The following PPP4R2 variants were observed in gnomAD, a reference collection of about 807,000 sequenced individuals.
PPP4R2 encodes the protein protein phosphatase 4 regulatory subunit 2, also known as serine/threonine-protein phosphatase 4 regulatory subunit 2.
PPP4R2 carries 13 observed loss-of-function variants against 47.2 expected under a neutral mutation model. That is an observed-to-expected ratio of 0.28 (90% CI 0.18 to 0.44). PPP4R2 has a LOEUF of 0.44. Ranked by LOEUF, PPP4R2 falls within the 20% of genes least tolerant of loss-of-function variation. The probability of loss-of-function intolerance (pLI) is 1.00; values close to 1 mark genes in which losing one functional copy is unlikely to be tolerated. For synonymous variants in PPP4R2, 151 were observed against 163.3 expected (o/e 0.92, Z 0.57); for missense variants, 421 against 491.2 (o/e 0.86, Z 1.35).
intron 2 of PPP4R2, among the ~76,000 whole-genome samples, chr3:73,003,692 G>A (rs538221967): frequency 8.0e-6 from 1 of 125,318 alleles, no homozygotes; most frequent in South Asian, 2.4e-4. Context: ...TATTTCTGGA[G>A]TTTTTTTTTG....
intron 2 of PPP4R2, among the ~76,000 whole-genome samples, chr3:73,030,612 ATTT>A (rs57682305): frequency 7.0e-6 from 1 of 143,018 alleles, no homozygotes. Context: ...GATTACGTTG[ATTT>A]TTTTTTTTTT....
At position 72,996,821 on chromosome 3, in the gene PPP4R2, T is replaced by G; in HGVS notation, c.-217T>G. The G allele has an allele frequency of 1.1e-5, 4 of 376,876 alleles. No homozygotes were observed. The highest frequency in any genetic ancestry group is 2.1e-5 in the African/African-American group (1 of 47,852). 23.3% of individuals were successfully genotyped at this position (376,876 alleles called of 1,614,324 possible). A position where few individuals can be genotyped will look rare whatever the true frequency, so the allele number is the denominator to read the frequency against. ...GCGCGGTGACGTACCGGGCGCCATG[T>G]TGGAGGGTTGGTGGTAGCGGCTTGG... On this transcript the variant is annotated 5_prime_UTR_variant, in exon 1 of 9. Transcript: ENST00000356692.
intron 3 of PPP4R2, among the ~76,000 whole-genome samples, chr3:73,048,286 G>T (rs111444484): frequency 1.3e-5 from 2 of 152,024 alleles, no homozygotes; most frequent in Non-Finnish European, 2.9e-5. Flanking sequence ...ACAGAGTCTC[G>T]CTGTCACCCA....
At chr3:73,063,590 C>T in intron 5 of PPP4R2, 83 bp from the exon 6 acceptor site, 1 of 770,008 alleles carries the variant, frequency 1.3e-6, no homozygotes, top group Middle Eastern at 3.7e-4. Flanking sequence ...CACCACTGCA[C>T]TCCATTCCAC....
intron 2 of PPP4R2, among the ~76,000 whole-genome samples, chr3:73,046,041 A>G (rs1363437339): frequency 2.0e-5 from 3 of 152,200 alleles, no homozygotes; most frequent in African/African-American, 7.2e-5. Flanking sequence ...AGTAATTTTT[A>G]TATCTTTTAC....
intron 3 of PPP4R2, among the ~76,000 whole-genome samples, chr3:73,055,864 C>G (rs1702722543): frequency 6.6e-6 from 1 of 152,104 alleles, no homozygotes; most frequent in Admixed American, 6.5e-5. Flanking sequence ...CTTCGGCTTC[C>G]CAAAGTCCTG....
chr3:73,006,347 C>T (rs184391728), intron 2 of PPP4R2, among the ~76,000 whole-genome samples: 40 of 151,866 alleles, frequency 2.6e-4, no homozygotes, highest in African/African-American at 8.0e-4. Context: ...CACAGGCGCG[C>T]GCCACCATGC....
intron 2 of PPP4R2, among the ~76,000 whole-genome samples, chr3:73,040,232 A>G (rs942054060): frequency 6.6e-6 from 1 of 152,208 alleles, no homozygotes; most frequent in African/African-American, 2.4e-5. Context: ...GCATATTGAC[A>G]GAATTTTTGA....
Position 73,011,921 on chromosome 3 carries a change from T to C in PPP4R2, c.116+13763T>C, listed in dbSNP as rs369806485. Among the ~76,000 whole-genome samples, 5 of 152,326 alleles carry C rather than the reference T, an allele frequency of 3.3e-5. No homozygotes were observed. In the South Asian group the frequency reaches 8.3e-4, roughly 25 times the overall value. The stretch of plus-strand genomic sequence containing the variant: ...TAGGTGATGAAACTGGAGAAAAATA[T>C]ATGCTATAGAATTTGAAATTTAAGG... On this transcript the variant is annotated intron_variant, in intron 2 of 8. Transcript: ENST00000356692.
chr3:73,051,509 T>C (rs1702612377), intron 3 of PPP4R2, among the ~76,000 whole-genome samples: 1 of 152,242 alleles, frequency 6.6e-6, no homozygotes, highest in African/African-American at 2.4e-5. Context: ...GGTAAGTTTT[T>C]GTTGTTTTTG....
intron 2 of PPP4R2, among the ~76,000 whole-genome samples, chr3:73,025,845 G>A (rs1702052970): frequency 6.6e-6 from 1 of 152,158 alleles, no homozygotes; most frequent in South Asian, 2.1e-4. Flanking sequence ...AGGAATTAGG[G>A]AAATCACTCA....
chr3:73,014,971 G>A (rs150726254), intron 2 of PPP4R2: 80 of 694,242 alleles, frequency 1.2e-4, no homozygotes, highest in South Asian at 8.0e-4. Flanking sequence ...CCCAAACTGC[G>A]GGGATTGCAG....
At chr3:73,001,420 C>T (rs1701453994) in intron 2 of PPP4R2, among the ~76,000 whole-genome samples, 1 of 151,894 alleles carries the variant, frequency 6.6e-6, no homozygotes, top group Non-Finnish European at 1.5e-5. Context: ...AAAAATTAGC[C>T]TAACGTGGTG....
At chr3:72,997,823 A>G (rs1259663628) in intron 1 of PPP4R2, among the ~76,000 whole-genome samples, 3 of 152,186 alleles carry the variant, frequency 2.0e-5, no homozygotes, top group African/African-American at 4.8e-5. Context: ...CCCGGACCAC[A>G]CTTCGAGAAG....
intron 5 of PPP4R2, chr3:73,062,217 T>TTTCCCACAATTTC (rs1702875932): frequency 6.3e-7 from 1 of 1,589,256 alleles, no homozygotes; most frequent in African/African-American, 1.4e-5. Context: ...GAACCAATTT[T>TTTCCCACAATTTC]CCACAATGTC....
At chr3:73,006,498 C>T (rs918553461) in intron 2 of PPP4R2, among the ~76,000 whole-genome samples, 2 of 152,070 alleles carry the variant, frequency 1.3e-5, no homozygotes, top group African/African-American at 4.8e-5. Context: ...CCCAGAGTAG[C>T]TTTTCTAACT....
At chr3:73,050,146 G>T (rs1349804421) in intron 3 of PPP4R2, among the ~76,000 whole-genome samples, 1 of 151,990 alleles carries the variant, frequency 6.6e-6, no homozygotes, top group Non-Finnish European at 1.5e-5. Flanking sequence ...TGTAGTTTTA[G>T]TAGAGACGGG....
intron 2 of PPP4R2, among the ~76,000 whole-genome samples, chr3:73,041,430 T>C (rs966839551): frequency 6.6e-6 from 1 of 152,256 alleles, no homozygotes; most frequent in East Asian, 1.9e-4. Context: ...AGATTAAATA[T>C]ACTTGTTTTG....
rs932139800 is a variant in PPP4R2, at chr3:73,013,978, C to T, written c.116+15820C>T. Among the ~76,000 whole-genome samples, 9 of 71,228 alleles carry T rather than the reference C, an allele frequency of 1.3e-4. 2 individuals are homozygous for T. Among genetic ancestry groups the T allele is most frequent in the East Asian group, 9.0e-4 (4 of 4,460 alleles). 46.7% of individuals were successfully genotyped at this position (71,228 alleles called of 152,430 possible). A position where few individuals can be genotyped will look rare whatever the true frequency, so the allele number is the denominator to read the frequency against. On this transcript the variant is annotated intron_variant, in intron 2 of 8. Transcript: ENST00000356692. ...ATCTTACCAAAACACAAAAATTTAC[C>T]TCGTTGTCTTCATGGGCTGCATAAT...
Sources: gnomAD v4.1 joint callset for allele counts (sites outside exome capture counted in the v4.1 genomes callset) on GRCh38, gnomAD v4.1.1 for gene constraint, MANE v1.5 for transcripts, NCBI Gene and HGNC (gene_info 2026-07-23, HGNC 2026-07-21) for gene names.